Variants in COG3 observed in about 807,000 individuals in gnomAD.
COG3 encodes component of oligomeric golgi complex 3, also known as conserved oligomeric Golgi complex subunit 3.
A neutral mutation model predicts 114.1 loss-of-function variants in COG3; 32 were observed. That is an observed-to-expected ratio of 0.28 (90% CI 0.21 to 0.38). The LOEUF (loss-of-function observed/expected upper bound fraction) is 0.38. Ranked by LOEUF, COG3 falls within the 10% of genes least tolerant of loss-of-function variation. COG3 has a pLI of 1.00. For synonymous variants in COG3, 352 were observed against 365.7 expected, an observed-to-expected ratio of 0.96 and a Z score of 0.43; for missense variants, 813 against 973.2, an observed-to-expected ratio of 0.84 and a Z score of 2.19.
intron 1 of COG3, among the ~76,000 whole-genome samples, chr13:45,472,775 T>C (rs1885603548): frequency 6.6e-6 from 1 of 152,242 alleles, no homozygotes; most frequent in Non-Finnish European, 1.5e-5. Context: ...CTTTAACATG[T>C]TAATCACAGT....
chr13:45,535,493 C>A lies in COG3; in HGVS notation c.*762C>A, dbSNP rs574872433. 2.0e-6 allele frequency: 2 copies of A among 985,404 alleles called. No individual in the cohort carries two copies. The highest frequency in any genetic ancestry group is 1.2e-4 in the Admixed American group (2 of 16,284). 61.0% of individuals were successfully genotyped at this position (985,404 alleles called of 1,614,324 possible). On this transcript the variant is annotated 3_prime_UTR_variant, in exon 23 of 23. Transcript: ENST00000349995. ...GTGTGTGTTTGTGAGTGCGAAGTAC[C>A]AATTAAGGTGTCTTAAATTTGGCGC...
intron 16 of COG3, among the ~76,000 whole-genome samples, chr13:45,512,912 G>A (rs1871029477): frequency 6.6e-6 from 1 of 152,030 alleles, no homozygotes; most frequent in African/African-American, 2.4e-5. Context: ...ACCGCACTTA[G>A]CGGTTTACAG....
chr13:45,518,696 T>C, intron 17 of COG3, 66 bp from the exon 18 acceptor site: 1 of 1,197,530 alleles, frequency 8.4e-7, no homozygotes, highest in Admixed American at 1.9e-5. Context: ...AGAACTGGTG[T>C]ATGTTACTCA....
At chr13:45,515,920 TC>T (rs761075726) in intron 16 of COG3, among the ~76,000 whole-genome samples, 38 of 152,214 alleles carry the variant, frequency 2.5e-4, no homozygotes, top group Non-Finnish European at 8.8e-5. Flanking sequence ...TGTCTGACTT[TC>T]TTGGATTTTT....
intron 19 of COG3, among the ~76,000 whole-genome samples, chr13:45,519,311 C>G (rs1229646510): frequency 6.6e-6 from 1 of 152,082 alleles, no homozygotes; most frequent in African/African-American, 2.4e-5. Context: ...GAGGAAGAGT[C>G]GAAATATTGC....
At chr13:45,498,453 G>A (rs1413588002) in intron 13 of COG3, among the ~76,000 whole-genome samples, 2 of 146,318 alleles carry the variant, frequency 1.4e-5, no homozygotes, top group Non-Finnish European at 3.0e-5. Context: ...TCTGCCTCCC[G>A]GGTTCAAGCG....
Position 45,465,297 on chromosome 13 carries a change from C to T in COG3, c.174+87C>T, listed in dbSNP as rs569307363. On this transcript the variant is annotated intron_variant, in intron 1 of 22. Coordinates refer to ENST00000349995, the MANE Select transcript of COG3 (RefSeq NM_031431.4). ...GGCAGGACCCCGGCCTCACTAGCCTCTGCCCAGGATATCTCTCCACTCCTC... is the reference window on the plus strand; with the variant it reads ...GGCAGGACCCCGGCCTCACTAGCCTTTGCCCAGGATATCTCTCCACTCCTC... 7.7e-5 allele frequency: 118 copies of T among 1,524,016 alleles called. No individual in the cohort carries two copies. The African/African-American group carries it at 1.5e-3, about 19-fold the overall frequency. The allele number at this position is 1,524,016 out of a possible 1,614,324, so 94.4% of individuals were successfully genotyped here.
chr13:45,486,608 T>C, intron 8 of COG3, 33 bp downstream of exon 8: 1 of 1,317,202 alleles, frequency 7.6e-7, no homozygotes, highest in South Asian at 1.2e-5. Context: ...GACATTGCTA[T>C]GAAATTTGTT....
chr13:45,496,034 A>T, intron 12 of COG3, 118 bp from the exon 13 acceptor site: 1 of 849,848 alleles, frequency 1.2e-6, no homozygotes, highest in Non-Finnish European at 1.8e-6. Flanking sequence ...ATACAATCAC[A>T]GCCTCTGAAG....
At chr13:45,524,197 A>C (rs188945263) in intron 19 of COG3, among the ~76,000 whole-genome samples, 30 of 152,300 alleles carry the variant, frequency 2.0e-4, no homozygotes, top group African/African-American at 6.5e-4. Context: ...TTTTCTAATG[A>C]GACTTTCCCG....
At chr13:45,488,143 A>G (rs1313676667) in intron 8 of COG3, among the ~76,000 whole-genome samples, 3 of 152,060 alleles carry the variant, frequency 2.0e-5, no homozygotes, top group Non-Finnish European at 2.9e-5. Context: ...CAAATATTGT[A>G]TGTTTTCACT....
intron 1 of COG3, among the ~76,000 whole-genome samples, chr13:45,466,033 T>A (rs943048830): frequency 3.3e-5 from 5 of 152,112 alleles, no homozygotes; most frequent in African/African-American, 1.2e-4. Flanking sequence ...GCAGTGGTGA[T>A]GGTTACTTTT....
Position 45,503,245 on chromosome 13 carries a change from A to T in COG3, c.1490A>T (p.Gln497Leu), listed in dbSNP as rs976968780. Residue 497 changes from glutamine (Q) to leucine (L), a missense_variant and splice_region_variant, in exon 14 of 23, where the codon CAG becomes CTG. Gln to Leu is a moderately radical substitution (Grantham distance 113). This residue lies in a region of COG3 where 389 missense variants were observed against 542.6 expected (regional missense o/e 0.72). Transcript: ENST00000349995. ...ATTCCTTCTGATTTCTTTATACAGC[A>T]GATTGCACAGAGTTTGAAAGATGAA... is the stretch of plus-strand genomic sequence containing the variant. ...AYPDKLVMME[Q>L]IAQSLKDEQK... The T allele has an allele frequency of 6.6e-7, 1 of 1,508,676 alleles. No homozygotes were observed. Among genetic ancestry groups the T allele is most frequent in the Admixed American group, 1.7e-5 (1 of 59,830 alleles). 93.5% of individuals were successfully genotyped at this position (1,508,676 alleles called of 1,614,324 possible). A position where few individuals can be genotyped will look rare whatever the true frequency, so the allele number is the denominator to read the frequency against.
Position 45,492,145 on chromosome 13 carries a change from T to C in COG3, c.1096-14T>C, listed in dbSNP as rs1446050996. 3 of 1,546,480 alleles carry C rather than the reference T, an allele frequency of 1.9e-6. No individual in the cohort carries two copies. The highest frequency in any genetic ancestry group is 2.7e-6 in the Non-Finnish European group (3 of 1,126,384). The stretch of plus-strand genomic sequence containing the variant: ...TGTCTTTAACTGTAGGTGGTGTGTG[T>C]TTGTTTACTGCAGGTTCGTAGTGGC... On this transcript the variant is annotated splice_polypyrimidine_tract_variant and intron_variant, in intron 10 of 22. Transcript: ENST00000349995.
rs116559256 is a variant in COG3 at position 45,473,949 on chromosome 13, G to T, written c.175-2252G>T. 3.4e-3 allele frequency among the ~76,000 whole-genome samples: 515 copies of T among 152,258 alleles called. 4 individuals carry two copies. The highest frequency in any genetic ancestry group is 0.012 in the African/African-American group (502 of 41,532). On this transcript the variant is annotated intron_variant, in intron 1 of 22. Coordinates refer to ENST00000349995, the MANE Select transcript of COG3 (RefSeq NM_031431.4). ...CACAGTCCTTTTATACTCAGGGATT[G>T]TGTTACCATTCAGAAAGAGTTTACA...
intron 4 of COG3, 61 bp from the exon 5 acceptor site, chr13:45,481,169 A>G: frequency 1.1e-6 from 1 of 870,656 alleles, no homozygotes; most frequent in Non-Finnish European, 1.9e-6. Flanking sequence ...TAACTTTGAG[A>G]CTGGCATGTT....
intron 12 of COG3, among the ~76,000 whole-genome samples, chr13:45,495,507 G>T (rs1383144441): frequency 6.6e-6 from 1 of 151,466 alleles, no homozygotes; most frequent in African/African-American, 2.4e-5. Context: ...TCCCAAGTAG[G>T]TGAGATTACA....
intron 1 of COG3, 142 bp downstream of exon 1, chr13:45,465,352 G>A: frequency 7.6e-7 from 1 of 1,312,822 alleles, no homozygotes; most frequent in Non-Finnish European, 1.0e-6. Context: ...CCGGTGGGAG[G>A]GGCCTCATCT....
At chr13:45,473,486 T>C (rs1238914680) in intron 1 of COG3, among the ~76,000 whole-genome samples, 1 of 152,156 alleles carries the variant, frequency 6.6e-6, no homozygotes, top group African/African-American at 2.4e-5. Flanking sequence ...ACAGTGCTGA[T>C]AGAATTATGT....
Sources: gnomAD v4.1 joint callset for allele counts (sites outside exome capture counted in the v4.1 genomes callset) on GRCh38, gnomAD v4.1.1 for gene constraint, gnomAD v4.1.1 regional missense constraint, MANE v1.5 for transcripts, NCBI Gene and HGNC (gene_info 2026-07-23, HGNC 2026-07-21) for gene names.